Variants in LARGE1 observed in about 807,000 individuals in gnomAD.
LARGE1 encodes the protein LARGE xylosyl- and glucuronyltransferase 1, also known as xylosyl- and glucuronyltransferase LARGE1.
Under a neutral mutation model 87.6 loss-of-function variants are expected in LARGE1, and 43 were observed. The ratio of observed to expected loss-of-function variants is 0.49; its 90% CI spans 0.38 to 0.63. LARGE1 has a LOEUF of 0.63. Ranked by LOEUF, LARGE1 falls within the 30% of genes least tolerant of loss-of-function variation. The pLI is 0.00. For missense variants in LARGE1, 802 were observed against 1,000.2 expected (o/e 0.80, Z 2.67); for synonymous variants, 434 against 394.6 (o/e 1.10, Z -1.18).
At chr22:33,547,575 C>A (rs1027897328) in intron 6 of LARGE1, among the ~76,000 whole-genome samples, 1 of 151,836 alleles carries the variant, frequency 6.6e-6, no homozygotes, top group South Asian at 2.1e-4. Context: ...GCAGGTGGAT[C>A]ATGAGGTCAA....
chr22:33,884,416 C>T (rs1364016714), intron 1 of LARGE1, among the ~76,000 whole-genome samples: 1 of 152,166 alleles, frequency 6.6e-6, no homozygotes, highest in Non-Finnish European at 1.5e-5. Flanking sequence ...GAGAAGCAGC[C>T]CACTTATCAA....
intron 2 of LARGE1, among the ~76,000 whole-genome samples, chr22:33,747,014 T>C (rs1239705088): frequency 6.6e-6 from 1 of 152,186 alleles, no homozygotes; most frequent in Non-Finnish European, 1.5e-5. Flanking sequence ...GTCTTGTTCA[T>C]TAAGTGCCCC....
intron 1 of LARGE1, among the ~76,000 whole-genome samples, chr22:33,826,997 C>G (rs1414808364): frequency 6.6e-6 from 1 of 152,082 alleles, no homozygotes; most frequent in African/African-American, 2.4e-5. Context: ...GCAATTCACC[C>G]CGGATTACCC....
chr22:33,596,923 G>C (rs1271551155), intron 5 of LARGE1, among the ~76,000 whole-genome samples: 1 of 152,148 alleles, frequency 6.6e-6, no homozygotes, highest in Non-Finnish European at 1.5e-5. Flanking sequence ...CCATTGCTCT[G>C]GGTATTAACA....
At chr22:33,490,586 G>A (rs2069794822) in intron 6 of LARGE1, among the ~76,000 whole-genome samples, 1 of 152,128 alleles carries the variant, frequency 6.6e-6, no homozygotes, top group Non-Finnish European at 1.5e-5. Context: ...CTGCTGCAAC[G>A]CTTCTGATTT....
At chr22:33,699,722 A>T (rs1191393373) in intron 2 of LARGE1, among the ~76,000 whole-genome samples, 1 of 152,212 alleles carries the variant, frequency 6.6e-6, no homozygotes, top group African/African-American at 2.4e-5. Context: ...TTCTTTCAAT[A>T]AGCATAAAAG....
chr22:33,427,963 T>C (rs541336880), intron 7 of LARGE1, among the ~76,000 whole-genome samples: 1 of 152,348 alleles, frequency 6.6e-6, no homozygotes, highest in Non-Finnish European at 1.5e-5. Flanking sequence ...GAAGCTGATA[T>C]GCGAACTAAA....
At chr22:33,194,510 G>A (rs1923963811) in intron 11 of LARGE1, among the ~76,000 whole-genome samples, 2 of 152,098 alleles carry the variant, frequency 1.3e-5, no homozygotes, top group Non-Finnish European at 2.9e-5. Context: ...TTGGATTTTA[G>A]TCTCTTCTGA....
At chr22:33,761,944 C>T (rs1335209962) in intron 1 of LARGE1, among the ~76,000 whole-genome samples, 1 of 152,100 alleles carries the variant, frequency 6.6e-6, no homozygotes, top group African/African-American at 2.4e-5. Context: ...AGGCTGGGCG[C>T]AGTGGCTCAC....
At chr22:33,374,999 G>A (rs1383761377) in intron 9 of LARGE1, among the ~76,000 whole-genome samples, 3 of 152,068 alleles carry the variant, frequency 2.0e-5, no homozygotes, top group East Asian at 1.9e-4. Flanking sequence ...TTAGATATAG[G>A]TTAATAAAAA....
intron 11 of LARGE1, among the ~76,000 whole-genome samples, chr22:33,247,827 T>A (rs1926835922): frequency 6.6e-6 from 1 of 152,226 alleles, no homozygotes; most frequent in African/African-American, 2.4e-5. Flanking sequence ...ATAACCTGAC[T>A]GGTGCCTTGC....
At chr22:33,106,241 C>T in the LARGE1 span, among the ~76,000 whole-genome samples, 1 of 152,152 alleles carries the variant, frequency 6.6e-6, no homozygotes, top group Non-Finnish European at 1.5e-5. Context: ...GCTGGGGATA[C>T]AGAGGTGAAG....
At chr22:33,196,376 T>C (rs73881993) in intron 11 of LARGE1, among the ~76,000 whole-genome samples, 4,592 of 152,280 alleles carry the variant, frequency 0.03, 95 homozygotes, top group Admixed American at 0.056. Context: ...AACAACTTTA[T>C]GGCATTCAAT....
chr22:33,818,226 C>T (rs2086714938), intron 1 of LARGE1, among the ~76,000 whole-genome samples: 1 of 152,156 alleles, frequency 6.6e-6, no homozygotes, highest in South Asian at 2.1e-4. Flanking sequence ...TTACCAAACC[C>T]TGCTGTCTTC....
chr22:33,369,456 T>C (rs1020212708), intron 9 of LARGE1, among the ~76,000 whole-genome samples: 2 of 143,442 alleles, frequency 1.4e-5, no homozygotes, highest in African/African-American at 6.0e-5. Context: ...TCTATTTTCT[T>C]GGTTTTTTTT....
intron 9 of LARGE1, among the ~76,000 whole-genome samples, chr22:33,371,077 A>G (rs145547684): frequency 0.012 from 1,761 of 151,130 alleles, 22 homozygotes; most frequent in African/African-American, 0.035. Flanking sequence ...ATAACATGTT[A>G]TATGAATAAT....
intron 6 of LARGE1, among the ~76,000 whole-genome samples, chr22:33,538,143 C>T (rs571143409): frequency 6.6e-6 from 1 of 152,228 alleles, no homozygotes; most frequent in South Asian, 2.1e-4. Context: ...CCTGGAATTC[C>T]CTGCTATTTG....
intron 11 of LARGE1, among the ~76,000 whole-genome samples, chr22:33,212,903 A>C (rs951858951): frequency 6.6e-6 from 1 of 152,208 alleles, no homozygotes; most frequent in Non-Finnish European, 1.5e-5. Flanking sequence ...CTGTAATCTC[A>C]GCTACTTGGG....
chr22:33,275,599 C>A (rs552921066), intron 14 of LARGE1, among the ~76,000 whole-genome samples: 6 of 152,312 alleles, frequency 3.9e-5, no homozygotes, highest in African/African-American at 1.4e-4. Flanking sequence ...AAGAACCCCA[C>A]CAACCGCACT....
Sources: allele counts gnomAD v4.1 joint callset (sites outside exome capture counted in the v4.1 genomes callset), GRCh38; gene constraint gnomAD v4.1.1; transcripts MANE v1.5; gene names NCBI Gene and HGNC (gene_info 2026-07-23, HGNC 2026-07-21).